The following ZNF607 variants were observed in gnomAD, a reference collection of about 807,000 sequenced individuals.
ZNF607 encodes the protein zinc finger protein 607.
A neutral mutation model predicts 12.8 loss-of-function variants in ZNF607; 5 were observed. That is an observed-to-expected ratio of 0.39 (90% CI 0.20 to 0.82). The LOEUF is 0.82. Ranked by LOEUF, ZNF607 falls within the 40% of genes least tolerant of loss-of-function variation. ZNF607 has a pLI of 0.39. For synonymous variants in ZNF607, 287 were observed against 276.2 expected (o/e 1.04, Z -0.39); for missense variants, 851 against 859.2 (o/e 0.99, Z 0.12).
Position 37,696,996 on chromosome 19 carries a change from G to A in ZNF607, c.*1044C>T. On this transcript the variant is annotated 3_prime_UTR_variant, in exon 5 of 5. Transcript: ENST00000355202. ...CTCCCTCTGGGTGATTAGTTCTCCA[G>A]CATCAAAGCGAGCCACCAGTGACTT... 1 of 710,966 alleles carries A rather than the reference G, an allele frequency of 1.4e-6. No individual in the cohort carries two copies. The highest frequency in any genetic ancestry group is 2.6e-6 in the Non-Finnish European group (1 of 387,790). The allele number at this position is 710,966 out of a possible 1,614,324, so 44.0% of individuals were successfully genotyped here. A position where few individuals can be genotyped will look rare whatever the true frequency, so the allele number is the denominator to read the frequency against.
At chr19:37,714,378 A>T (rs2045157947) in intron 1 of ZNF607, among the ~76,000 whole-genome samples, 1 of 148,690 alleles carries the variant, frequency 6.7e-6, no homozygotes, top group South Asian at 2.1e-4. Context: ...CAACAAACAT[A>T]CTCACCCTGT....
chr19:37,699,428 T>C lies in ZNF607; in HGVS notation c.703A>G (p.Ser235Gly), dbSNP rs1568403150. The change falls in exon 5 of 5, where the codon AGT becomes GGT. Residue 235 changes from serine to glycine, a missense_variant. Ser to Gly is a moderately conservative substitution (Grantham distance 56, BLOSUM62 0). Coordinates refer to ENST00000355202, the MANE Select transcript of ZNF607 (RefSeq NM_032689.5). ...TGTCGACTAAGTCGTCCATACACAC[T>C]AAAGGCCTTGCCACATTCCTTACAT... ...YECKECGKAF[S>G]VYGRLSRHQS... is the part of the protein sequence containing the mutation. 6.2e-7 allele frequency: 1 copy of C among 1,614,096 alleles called. No individual in the cohort carries two copies. The highest frequency in any genetic ancestry group is 2.2e-5 in the East Asian group (1 of 44,876).
chr19:37,696,679 C>A lies in ZNF607; in HGVS notation c.*1361G>T, dbSNP rs543204662. ...CGGCAGGCAGGTGATGTTCCGAGAG[C>A]ATGAGAGCTGGTATGCAATGTCTTC... is the stretch of plus-strand genomic sequence containing the variant. On this transcript the variant is annotated 3_prime_UTR_variant, in exon 5 of 5. Coordinates refer to ENST00000355202, the MANE Select transcript of ZNF607 (RefSeq NM_032689.5). 9.6e-5 allele frequency: 69 copies of A among 718,214 alleles called. No homozygotes were observed. In the African/African-American group the frequency reaches 1.1e-3, roughly 12 times the overall value. 44.5% of individuals were successfully genotyped at this position (718,214 alleles called of 1,614,324 possible).
At chr19:37,715,242 T>C (rs1463691219) in intron 1 of ZNF607, among the ~76,000 whole-genome samples, 1 of 151,828 alleles carries the variant, frequency 6.6e-6, no homozygotes, top group African/African-American at 2.4e-5. Context: ...TCATGGGCTT[T>C]CTCCTACTCA....
At chr19:37,713,612 G>C (rs1012571623) in intron 1 of ZNF607, among the ~76,000 whole-genome samples, 1 of 151,692 alleles carries the variant, frequency 6.6e-6, no homozygotes, top group East Asian at 1.9e-4. Context: ...CCTAATTTTT[G>C]TATTTTTAGT....
At chr19:37,717,141 A>G (rs1162452785) in intron 1 of ZNF607, among the ~76,000 whole-genome samples, 1 of 152,228 alleles carries the variant, frequency 6.6e-6, no homozygotes, top group Non-Finnish European at 1.5e-5. Flanking sequence ...TTTGGATACA[A>G]TCCTTGCAAA....
In ZNF607 at chr19:37,698,783, C is replaced by T; in HGVS notation, c.1348G>A (p.Glu450Lys). 6.2e-7 allele frequency: 1 copy of T among 1,613,782 alleles called. No homozygotes were observed. Among genetic ancestry groups the T allele is most frequent in the South Asian group, 1.1e-5 (1 of 91,068 alleles). ...NRIHTGYKPF[E>K]CKECGKSFRC... is the part of the protein sequence containing the mutation. Reference sequence around the variant, plus strand: ...AAGGACTTCCCACATTCTTTACATTCAAAGGGTTTGTAACCAGTATGAATT... The same window carrying T: ...AAGGACTTCCCACATTCTTTACATTTAAAGGGTTTGTAACCAGTATGAATT... The change falls in exon 5 of 5, where the codon GAA (glutamate) becomes AAA (lysine). Residue 450 changes from glutamate to lysine, a missense_variant. By Grantham distance (56) the Glu-to-Lys change is moderately conservative. Coordinates refer to ENST00000355202, the MANE Select transcript of ZNF607 (RefSeq NM_032689.5).
intron 1 of ZNF607, among the ~76,000 whole-genome samples, chr19:37,716,918 C>T (rs2045180758): frequency 6.6e-6 from 1 of 152,178 alleles, no homozygotes; most frequent in Non-Finnish European, 1.5e-5. Context: ...AACTCTTTGT[C>T]TTCTTGAACA....
intron 2 of ZNF607, among the ~76,000 whole-genome samples, chr19:37,711,333 G>A (rs1176020653): frequency 6.6e-6 from 1 of 152,164 alleles, no homozygotes; most frequent in East Asian, 1.9e-4. Flanking sequence ...CAAAGAACTT[G>A]ACTCCTTTCC....
At position 37,698,586 on chromosome 19, in the gene ZNF607, A is replaced by G. The variant is rs2045002593; in HGVS notation, c.1545T>C (p.Ser515=). The part of the protein sequence containing the change: ...YECKECGKAF[S]VSGQLTQHLS... ...GATGCTGAGTAAGTTGTCCAGATAC[A>G]CTAAAGGCCTTCCCACATTCCTTAC... Residue 515 remains serine, a synonymous_variant, in exon 5 of 5, where the codon AGT becomes AGC. Coordinates refer to ENST00000355202, the MANE Select transcript of ZNF607 (RefSeq NM_032689.5). 1 of 1,613,572 alleles carries G rather than the reference A, an allele frequency of 6.2e-7. No homozygotes were observed. Among genetic ancestry groups the G allele is most frequent in the Non-Finnish European group, 8.5e-7 (1 of 1,179,914 alleles).
chr19:37,704,154 G>C (rs772113345), intron 4 of ZNF607, among the ~76,000 whole-genome samples: 20 of 150,138 alleles, frequency 1.3e-4, no homozygotes, highest in Non-Finnish European at 2.5e-4. Flanking sequence ...CAAAAATAAA[G>C]AAAAAAAATA....
At chr19:37,701,903 A>T (rs756916582) in intron 4 of ZNF607, among the ~76,000 whole-genome samples, 5 of 152,232 alleles carry the variant, frequency 3.3e-5, no homozygotes, top group African/African-American at 7.2e-5. Flanking sequence ...AATGCAAATT[A>T]TACAACTGAA....
At position 37,709,729 on chromosome 19, in the gene ZNF607, T is replaced by C; in HGVS notation, c.103A>G (p.Met35Val). ...LVQKTLYQEV[M>V]MENYDNLVSL... ...ACTAAGTTGTCATAGTTCTCCATCATCACCTCCTGGTACAAGGTCTTCTGA... is the reference window on the plus strand; with the variant it reads ...ACTAAGTTGTCATAGTTCTCCATCACCACCTCCTGGTACAAGGTCTTCTGA... The change falls in exon 3 of 5, where the codon ATG (methionine) becomes GTG (valine). Residue 35 changes from methionine to valine, a missense_variant. Transcript: ENST00000355202. 6.2e-7 allele frequency: 1 copy of C among 1,614,012 alleles called. No individual in the cohort carries two copies. Among genetic ancestry groups the C allele is most frequent in the African/African-American group, 1.3e-5 (1 of 75,054 alleles).
intron 2 of ZNF607, 68 bp downstream of exon 2, chr19:37,711,539 AATG>A: frequency 6.5e-7 from 1 of 1,534,222 alleles, no homozygotes; most frequent in South Asian, 1.1e-5. Flanking sequence ...CTTCAGGAAA[AATG>A]ATGAGAAGAC....
At chr19:37,707,597 T>G (rs1056813986) in intron 4 of ZNF607, among the ~76,000 whole-genome samples, 1 of 151,748 alleles carries the variant, frequency 6.6e-6, no homozygotes, top group Non-Finnish European at 1.5e-5. Flanking sequence ...TAGGGAGACC[T>G]CATCTCTAAA....
At chr19:37,711,738 C>A in intron 1 of ZNF607, 46 bp from the exon 2 acceptor site, 1 of 923,214 alleles carries the variant, frequency 1.1e-6, no homozygotes, top group East Asian at 2.4e-5. Context: ...TTAGTGGTCC[C>A]CATAGGACTC....
chr19:37,708,802 C>T (rs146848947), intron 3 of ZNF607, among the ~76,000 whole-genome samples: 371 of 148,202 alleles, frequency 2.5e-3, no homozygotes, highest in African/African-American at 5.6e-3. Context: ...GAGCTAAGAT[C>T]GCACCACAGC....
chr19:37,716,452 T>A (rs759246234), intron 1 of ZNF607, among the ~76,000 whole-genome samples: 1 of 152,228 alleles, frequency 6.6e-6, no homozygotes, highest in Non-Finnish European at 1.5e-5. Flanking sequence ...GACTTCATTT[T>A]GGTTTAGTCT....
intron 1 of ZNF607, among the ~76,000 whole-genome samples, chr19:37,715,621 TGATCA>T (rs905382382): frequency 1.4e-5 from 2 of 147,450 alleles, no homozygotes; most frequent in African/African-American, 5.0e-5. Flanking sequence ...AAAAAAAAGA[TGATCA>T]GATAAGTAAG....
Sources: allele counts gnomAD v4.1 joint callset (sites outside exome capture counted in the v4.1 genomes callset), GRCh38; gene constraint gnomAD v4.1.1; transcripts MANE v1.5; gene names NCBI Gene and HGNC (gene_info 2026-07-23, HGNC 2026-07-21).